SFR1: variants seen among roughly 807,000 people sequenced by gnomAD.
The protein encoded by SFR1 is swi5-dependent recombination DNA repair protein 1 homolog.
SFR1 carries 24 observed loss-of-function variants against 26.2 expected under a neutral mutation model. That is an observed-to-expected ratio of 0.92 (90% CI 0.66 to 1.29). The LOEUF (loss-of-function observed/expected upper bound fraction) is 1.29, where lower values mean the gene tolerates loss of function less well. Among genes scored for constraint, SFR1 ranks in the 50% most tolerant of loss-of-function variants. The pLI, the probability that SFR1 is intolerant of heterozygous loss-of-function variation, is 0.00. For missense variants in SFR1, 276 were observed against 270.2 expected (o/e 1.02, Z -0.15); for synonymous variants, 77 against 96.6 (o/e 0.80, Z 1.19).
At chr10:104,121,522 G>T (rs900312153), upstream of SFR1, among the ~76,000 whole-genome samples, 1 of 152,184 alleles carries the variant, frequency 6.6e-6, no homozygotes, top group Non-Finnish European at 1.5e-5. Context: ...CGCTGGAATA[G>T]GCTGGAACCC....
upstream of SFR1, chr10:104,122,110 A>T: frequency 1.3e-6 from 2 of 1,524,854 alleles, no homozygotes; most frequent in South Asian, 2.4e-5. Context: ...TTTTCCGCCT[A>T]CCGCACGGCC....
intron 1 of SFR1, 58 bp from the exon 2 acceptor site, chr10:104,122,907 A>G (rs1200885457): frequency 2.5e-6 from 4 of 1,597,730 alleles, no homozygotes; most frequent in Non-Finnish European, 3.4e-6. Context: ...TTATTTGATA[A>G]AAGTCGACTA....
At chr10:104,123,169 T>C in intron 2 of SFR1, 83 bp downstream of exon 2, 2 of 1,113,276 alleles carry the variant, frequency 1.8e-6, no homozygotes, top group Non-Finnish European at 2.6e-6. Context: ...CTACGGAAGG[T>C]TGTTAATTAA....
In SFR1 at chr10:104,124,063, A is replaced by C; in HGVS notation, c.485A>C (p.Gln162Pro). 1 of 1,613,906 alleles carries C rather than the reference A, an allele frequency of 6.2e-7. No homozygotes were observed. The highest frequency in any genetic ancestry group is 8.5e-7 in the Non-Finnish European group (1 of 1,179,932). The change falls in exon 3 of 4, where the codon CAG becomes CCG. Residue 162 changes from glutamine (Q) to proline (P), a missense_variant. Transcript: ENST00000369727. ...LNAEKAKLVK[Q>P]VQEKEDLLRR... is the part of the protein sequence containing the mutation. ...GCTGAAAAAGCCAAATTGGTGAAGC[A>C]GGTTCAGGAGAAAGAAGACCTTCTT... is the stretch of plus-strand genomic sequence containing the variant.
upstream of SFR1, chr10:104,122,037 C>A: frequency 1.0e-6 from 1 of 984,700 alleles, no homozygotes; most frequent in Non-Finnish European, 1.5e-6. Flanking sequence ...CGCAGTCCCA[C>A]CGCTCTGAGT....
chr10:104,121,661 G>T (rs1441542174), upstream of SFR1, among the ~76,000 whole-genome samples: 1 of 152,232 alleles, frequency 6.6e-6, no homozygotes, highest in African/African-American at 2.4e-5. Flanking sequence ...CTAGCAGGGA[G>T]AGGAGACTGA....
At chr10:104,125,368 C>A in intron 3 of SFR1, 145 bp from the exon 4 acceptor site, 1 of 619,784 alleles carries the variant, frequency 1.6e-6, no homozygotes, top group Middle Eastern at 4.4e-4. Context: ...CTACATATGA[C>A]CATCCTACTT....
chr10:104,122,109 T>G, upstream of SFR1: 1 of 1,525,652 alleles, frequency 6.6e-7, no homozygotes, highest in Non-Finnish European at 8.9e-7. Flanking sequence ...CTTTTCCGCC[T>G]ACCGCACGGC....
Position 104,123,026 on chromosome 10 carries a change from T to C in SFR1, c.75T>C (p.Pro25=), listed in dbSNP as rs1227024231. ...CGTCAGACTCAGCTGTGGTTTTACC[T>C]AGCACTCCTCAGGCCTCTGCGAATC... ...ESPSDSAVVL[P]STPQASANPS... The change falls in exon 2 of 4, where the codon CCT becomes CCC. Residue 25 remains proline (P), a synonymous_variant. Coordinates refer to ENST00000369727, the MANE Select transcript of SFR1 (RefSeq NM_001002759.2). 2 of 1,613,562 alleles carry C rather than the reference T, an allele frequency of 1.2e-6. No homozygotes were observed. The highest frequency in any genetic ancestry group is 1.7e-6 in the Non-Finnish European group (2 of 1,179,890).
chr10:104,121,113 G>C (rs573895126), upstream of SFR1, among the ~76,000 whole-genome samples: 139 of 152,054 alleles, frequency 9.1e-4, 1 homozygote, highest in Admixed American at 5.6e-3. Context: ...GGGCGCGGGG[G>C]GGGGATTTTC....
chr10:104,120,612 T>G (rs1200657016), upstream of SFR1, among the ~76,000 whole-genome samples: 1 of 152,150 alleles, frequency 6.6e-6, no homozygotes, highest in Non-Finnish European at 1.5e-5. Context: ...CACTTGCATA[T>G]ATAAAATAAC....
upstream of SFR1, among the ~76,000 whole-genome samples, chr10:104,121,285 T>C (rs1214843341): frequency 1.3e-5 from 2 of 152,058 alleles, no homozygotes; most frequent in Non-Finnish European, 2.9e-5. Flanking sequence ...AGTAAAAGAT[T>C]TGAGGTCACG....
chr10:104,124,220 A>G, intron 3 of SFR1, 96 bp downstream of exon 3: 2 of 1,127,688 alleles, frequency 1.8e-6, no homozygotes, highest in Non-Finnish European at 2.4e-6. Context: ...TACCATAATA[A>G]GCAATAAGCC....
intron 1 of SFR1, 125 bp downstream of exon 1, chr10:104,122,321 C>T (rs934956353): frequency 2.9e-6 from 4 of 1,398,174 alleles, no homozygotes; most frequent in African/African-American, 1.5e-5. Flanking sequence ...CTGGGGTCTC[C>T]GGGGAACTAG....
Position 104,125,592 on chromosome 10 carries a change from C to CTGTG in SFR1, c.628_631dup (p.Ser211CysfsTer3), listed in dbSNP as rs1564697677. On this transcript the variant is annotated frameshift_variant, in exon 4 of 4. Coordinates refer to ENST00000369727, the MANE Select transcript of SFR1 (RefSeq NM_001002759.2). LOFTEE classifies it high-confidence loss of function. ...CTCTTGCTTTATGAGTTGCAGTCAG[C>CTGTG]TGTGTCTGAAGAGAACAAGAAACTA... 1.2e-6 allele frequency: 2 copies of CTGTG among 1,613,696 alleles called. No individual in the cohort carries two copies. The highest frequency in any genetic ancestry group is 1.7e-6 in the Non-Finnish European group (2 of 1,179,688).
chr10:104,123,097 CTT>C lies in SFR1; in HGVS notation c.135+13_135+14del, dbSNP rs1210258477. On this transcript the variant is annotated intron_variant, in intron 2 of 3. Transcript: ENST00000369727. ...AGTTCCCGAAAACAAGTATGAAAAT[CTT>C]TGTTCTTCCAGTGGATCCATTATGT... 6.5e-7 allele frequency: 1 copy of C among 1,548,104 alleles called. No homozygotes were observed. Among genetic ancestry groups the C allele is most frequent in the South Asian group, 1.3e-5 (1 of 79,970 alleles).
At chr10:104,122,384 C>T (rs535566291) in intron 1 of SFR1, 188 bp downstream of exon 1, 130 of 985,408 alleles carry the variant, frequency 1.3e-4, no homozygotes, top group African/African-American at 9.1e-4. Context: ...CCTAGTTTAC[C>T]CCTCAAAAGT....
Position 104,123,101 on chromosome 10 carries a change from G to A in SFR1, c.135+15G>A, listed in dbSNP as rs777058230. ...CCCGAAAACAAGTATGAAAATCTTT[G>A]TTCTTCCAGTGGATCCATTATGTGT... On this transcript the variant is annotated intron_variant, in intron 2 of 3. Coordinates refer to ENST00000369727, the MANE Select transcript of SFR1 (RefSeq NM_001002759.2). The A allele has an allele frequency of 5.8e-6, 9 of 1,541,312 alleles. No homozygotes were observed. The African/African-American group carries it at 1.2e-4, about 21-fold the overall frequency.
chr10:104,125,788 TGA>T lies in SFR1; in HGVS notation c.*86_*87del. 6.0e-6 allele frequency: 5 copies of T among 837,474 alleles called. No individual in the cohort carries two copies. The highest frequency in any genetic ancestry group is 9.3e-6 in the Non-Finnish European group (5 of 539,428). The allele number at this position is 837,474 out of a possible 1,614,324, so 51.9% of individuals were successfully genotyped here. A position where few individuals can be genotyped will look rare whatever the true frequency, so the allele number is the denominator to read the frequency against. On this transcript the variant is annotated 3_prime_UTR_variant, in exon 4 of 4. Transcript: ENST00000369727. ...GGCACTTTTTTTTTTTTTTTGAGAC[TGA>T]GTTTCGCTCTTGTCATCCTGGCTGG...
Sources: gnomAD v4.1 joint callset for allele counts (sites outside exome capture counted in the v4.1 genomes callset) on GRCh38, gnomAD v4.1.1 for gene constraint, MANE v1.5 for transcripts, NCBI Gene and HGNC (gene_info 2026-07-23, HGNC 2026-07-21) for gene names.